Variants in GRB10 observed in about 807,000 individuals in gnomAD.
GRB10 encodes the protein growth factor receptor bound protein 10, also known as growth factor receptor-bound protein 10.
Under a neutral mutation model 80.9 loss-of-function variants are expected in GRB10, and 20 were observed. That is an observed-to-expected ratio of 0.25 (90% confidence interval 0.17 to 0.36). The LOEUF is 0.36. Among genes scored for constraint, GRB10 ranks in the 10% least tolerant of loss-of-function variants. The pLI, the probability that GRB10 is intolerant of heterozygous loss-of-function variation, is 1.00. For synonymous variants in GRB10, 291 were observed against 291.5 expected, an observed-to-expected ratio of 1.00 and a Z score of 0.02; for missense variants, 548 against 747.7, an observed-to-expected ratio of 0.73 and a Z score of 3.12.
intron 4 of GRB10, chr7:50,726,144 T>C (rs1172366026): frequency 6.6e-6 from 1 of 152,234 alleles, no homozygotes; most frequent in Non-Finnish European, 1.5e-5. Context: ...CTATCTATAA[T>C]CCCAGACCTT....
chr7:50,632,532 G>T (rs1189754351), intron 7 of GRB10, among the ~76,000 whole-genome samples: 3 of 152,196 alleles, frequency 2.0e-5, no homozygotes, highest in Admixed American at 1.3e-4. Context: ...GGGGTGGCAT[G>T]GGAGCCGGGT....
chr7:50,788,253 A>G (rs1285124616), intron 1 of GRB10, among the ~76,000 whole-genome samples: 1 of 152,230 alleles, frequency 6.6e-6, no homozygotes, highest in African/African-American at 2.4e-5. Context: ...TAAAAATCAA[A>G]TAAGTAAACT....
intron 1 of GRB10, chr7:50,793,194 T>A (rs1467264377): frequency 6.9e-6 from 1 of 143,992 alleles, no homozygotes; most frequent in Non-Finnish European, 1.5e-5. Flanking sequence ...CAAAGTAACT[T>A]GCCGCCGCGC....
chr7:50,756,929 T>C (rs1223351425), intron 2 of GRB10, among the ~76,000 whole-genome samples: 1 of 152,176 alleles, frequency 6.6e-6, no homozygotes, highest in East Asian at 1.9e-4. Context: ...AGGAGCCTCC[T>C]ATCGCTGTTG....
intron 5 of GRB10, among the ~76,000 whole-genome samples, chr7:50,689,818 T>A (rs1331896820): frequency 6.7e-6 from 1 of 149,596 alleles, no homozygotes; most frequent in Admixed American, 6.7e-5. Context: ...GACAGAGGGT[T>A]TTTTTTTTTA....
chr7:50,655,014 A>AC (rs1318472426), intron 7 of GRB10, among the ~76,000 whole-genome samples: 3 of 152,108 alleles, frequency 2.0e-5, no homozygotes, highest in African/African-American at 7.2e-5. Context: ...TCAGTCCAGG[A>AC]CCCAAGCTGC....
intron 3 of GRB10, chr7:50,747,689 G>A (rs1181861670): frequency 1.3e-5 from 2 of 152,276 alleles, no homozygotes; most frequent in Non-Finnish European, 2.9e-5. Flanking sequence ...GGCCGCCTGG[G>A]AGGAGAGAAG....
intron 3 of GRB10, among the ~76,000 whole-genome samples, chr7:50,745,640 C>T (rs982421639): frequency 8.5e-5 from 13 of 152,178 alleles, no homozygotes; most frequent in Non-Finnish European, 1.3e-4. Context: ...GTTGGGAAAA[C>T]GGCTAGAACT....
At chr7:50,593,568 G>A (rs1475164083) in intron 18 of GRB10, among the ~76,000 whole-genome samples, 2 of 152,184 alleles carry the variant, frequency 1.3e-5, no homozygotes, top group Non-Finnish European at 2.9e-5. Context: ...GTGGCTATGA[G>A]GGATTAATAA....
At chr7:50,615,152 C>T (rs1035743727) in intron 11 of GRB10, among the ~76,000 whole-genome samples, 1 of 152,102 alleles carries the variant, frequency 6.6e-6, no homozygotes. Context: ...GCCCCATGAC[C>T]GGATATTCAA....
chr7:50,671,453 C>T (rs1010114494), intron 6 of GRB10, among the ~76,000 whole-genome samples: 2 of 152,222 alleles, frequency 1.3e-5, no homozygotes, highest in Non-Finnish European at 2.9e-5. Flanking sequence ...AACTATCCCA[C>T]GTAGACCAGC....
intron 2 of GRB10, among the ~76,000 whole-genome samples, chr7:50,775,113 A>G (rs1238250846): frequency 3.6e-5 from 5 of 138,916 alleles, no homozygotes; most frequent in Admixed American, 7.6e-5. Context: ...GTGAGCCGAG[A>G]TCACACCACT....
At chr7:50,748,861 T>C (rs971755813) in intron 3 of GRB10, among the ~76,000 whole-genome samples, 1 of 152,210 alleles carries the variant, frequency 6.6e-6, no homozygotes, top group Non-Finnish European at 1.5e-5. Flanking sequence ...GTAATTTCTC[T>C]AATCCTCAAA....
chr7:50,791,928 G>T (rs554349000), intron 1 of GRB10, among the ~76,000 whole-genome samples: 1 of 152,192 alleles, frequency 6.6e-6, no homozygotes, highest in Non-Finnish European at 1.5e-5. Flanking sequence ...TCCCACTGCT[G>T]TAGAAACTCT....
At chr7:50,708,679 T>G (rs1419357544) in intron 4 of GRB10, among the ~76,000 whole-genome samples, 6 of 145,058 alleles carry the variant, frequency 4.1e-5, no homozygotes, top group African/African-American at 1.3e-4. Flanking sequence ...GTCTGTTTTT[T>G]TTTTTTTTTT....
At chr7:50,699,266 T>C (rs566810522) in intron 5 of GRB10, among the ~76,000 whole-genome samples, 1 of 152,326 alleles carries the variant, frequency 6.6e-6, no homozygotes, top group Admixed American at 6.5e-5. Flanking sequence ...AGTTTCTTCA[T>C]TTGCTTCTTT....
chr7:50,769,470 T>C (rs1407370169), intron 2 of GRB10, among the ~76,000 whole-genome samples: 2 of 152,196 alleles, frequency 1.3e-5, no homozygotes, highest in Non-Finnish European at 2.9e-5. Context: ...TCAGGTCCTC[T>C]TCACTTCCCC....
intron 2 of GRB10, among the ~76,000 whole-genome samples, chr7:50,757,173 G>C (rs1466401877): frequency 2.6e-5 from 4 of 152,162 alleles, no homozygotes; most frequent in Non-Finnish European, 5.9e-5. Flanking sequence ...AGAGAGTCTT[G>C]GTTCATCTCC....
chr7:50,749,130 G>GTTTT (rs71018483), intron 3 of GRB10, among the ~76,000 whole-genome samples: 85,777 of 139,388 alleles, frequency 0.62, 29,243 homozygotes, highest in Middle Eastern at 0.86. Flanking sequence ...TTGTTTTTTT[G>GTTTT]TTTGTTTTTT....
Sources: allele counts gnomAD v4.1 joint callset (sites outside exome capture counted in the v4.1 genomes callset), GRCh38; gene constraint gnomAD v4.1.1; transcripts MANE v1.5; gene names NCBI Gene and HGNC (gene_info 2026-07-23, HGNC 2026-07-21).